The following NR1I2 variants were observed in gnomAD, a reference collection of about 807,000 sequenced individuals.
The protein encoded by NR1I2 is orphan nuclear receptor PAR1.
A neutral mutation model predicts 43.3 loss-of-function variants in NR1I2; 42 were observed. That is an observed-to-expected ratio of 0.97 (90% confidence interval 0.76 to 1.26). The LOEUF (loss-of-function observed/expected upper bound fraction) is 1.26, where lower values mean the gene tolerates loss of function less well. NR1I2 is among the 50% of genes most tolerant of loss of function. The pLI is 0.00. For synonymous variants in NR1I2, 229 were observed against 215.0 expected, an observed-to-expected ratio of 1.06 and a Z score of -0.57; for missense variants, 559 against 566.7, an observed-to-expected ratio of 0.99 and a Z score of 0.14.
chr3:119,795,746 G>A (rs1485950165), intron 1 of NR1I2, among the ~76,000 whole-genome samples: 2 of 152,126 alleles, frequency 1.3e-5, no homozygotes, highest in African/African-American at 2.4e-5. Context: ...ATCCCACCAC[G>A]CCCTGACAAG....
intron 1 of NR1I2, among the ~76,000 whole-genome samples, chr3:119,800,421 AGT>A (rs1423527866): frequency 1.3e-5 from 2 of 152,230 alleles, no homozygotes; most frequent in Non-Finnish European, 2.9e-5. Context: ...GAAATCAAAA[AGT>A]GTAAGTCCTC....
intron 2 of NR1I2, among the ~76,000 whole-genome samples, chr3:119,808,059 CGTGTTGCATGAGTTATAACAGGG>C (rs1398695285): frequency 1.3e-5 from 2 of 152,164 alleles, no homozygotes; most frequent in Non-Finnish European, 2.9e-5. Flanking sequence ...AATGAACATT[CGTGTTGCATGAGTTATAACAGGG>C]GTGAGACACA....
At position 119,789,388 on chromosome 3, in the gene NR1I2, A is replaced by G. The variant is rs1038748089; in HGVS notation, c.-23+7088A>G. On this transcript the variant is annotated intron_variant, in intron 1 of 8. Transcript: ENST00000393716. ...ATGTGGCTGGGGAGGCCTCACAAAC[A>G]TGGTGGAAGGCAAACGGCATGTCTT... Among the ~76,000 whole-genome samples, 5 of 152,314 alleles carry G rather than the reference A, an allele frequency of 3.3e-5. No individual in the cohort carries two copies. In the South Asian group the frequency reaches 1.0e-3, roughly 32 times the overall value.
At position 119,815,836 on chromosome 3, in the gene NR1I2, G is replaced by A; in HGVS notation, c.1160+5G>A. The A allele has an allele frequency of 6.2e-7, 1 of 1,600,526 alleles. No homozygotes were observed. The highest frequency in any genetic ancestry group is 1.3e-5 in the African/African-American group (1 of 74,844). ...TCGGCCCCAGCCTGCTCATAGGTGA[G>A]CACAGCAGGGGGTGAGGACCCGTGA... On this transcript the variant is annotated splice_donor_5th_base_variant and intron_variant, in intron 8 of 8. Transcript: ENST00000393716.
chr3:119,817,024 C>T, intron 8 of NR1I2, 44 bp from the exon 9 acceptor site: 1 of 1,613,270 alleles, frequency 6.2e-7, no homozygotes, highest in Non-Finnish European at 8.5e-7. Context: ...GCTTGTGGGT[C>T]AGGGCGGGCT....
At chr3:119,810,601 T>G in intron 3 of NR1I2, 2 of 217,764 alleles carry the variant, frequency 9.2e-6, no homozygotes, top group East Asian at 1.2e-4. Flanking sequence ...TTCTAGGTGC[T>G]AGCCCCATCA....
chr3:119,803,761 C>T (rs74470176), intron 1 of NR1I2, among the ~76,000 whole-genome samples: 45 of 145,570 alleles, frequency 3.1e-4, no homozygotes, highest in Admixed American at 8.9e-4. Context: ...TCTCAGTGTA[C>T]TTTTTTTTTT....
At chr3:119,786,573 A>G (rs148696127) in intron 1 of NR1I2, among the ~76,000 whole-genome samples, 43 of 152,372 alleles carry the variant, frequency 2.8e-4, no homozygotes, top group South Asian at 6.2e-4. Context: ...TTGATAAGAC[A>G]TAGGCAGTTA....
intron 1 of NR1I2, among the ~76,000 whole-genome samples, chr3:119,796,336 C>A (rs949935907): frequency 3.3e-5 from 5 of 152,234 alleles, no homozygotes; most frequent in Admixed American, 6.5e-5. Flanking sequence ...CCTTTCCCAG[C>A]CCCAAGACAG....
rs1278921705 is a variant in NR1I2, at chr3:119,807,310, A to G, written c.60A>G (p.Thr20=). Residue 20 remains threonine (T), a synonymous_variant, in exon 2 of 9, where the codon ACA becomes ACG. Coordinates refer to ENST00000393716, the MANE Select transcript of NR1I2 (RefSeq NM_003889.4). Reference sequence around the variant, plus strand: ...CTGACTTTGTACACTGTGAGGACACAGAGTCTGTTCCTGGAAAGCCCAGTG... The same window carrying G: ...CTGACTTTGTACACTGTGAGGACACGGAGTCTGTTCCTGGAAAGCCCAGTG... 4.3e-6 allele frequency: 7 copies of G among 1,614,262 alleles called. No homozygotes were observed. The highest frequency in any genetic ancestry group is 5.9e-6 in the Non-Finnish European group (7 of 1,180,032).
chr3:119,801,050 C>T (rs1268229526), intron 1 of NR1I2, among the ~76,000 whole-genome samples: 1 of 152,204 alleles, frequency 6.6e-6, no homozygotes, highest in East Asian at 1.9e-4. Context: ...ATGAATCACT[C>T]ACCTGAAGAG....
intron 1 of NR1I2, among the ~76,000 whole-genome samples, chr3:119,784,706 A>G (rs1402544367): frequency 6.6e-6 from 1 of 152,210 alleles, no homozygotes; most frequent in Non-Finnish European, 1.5e-5. Context: ...ACTTATTGCA[A>G]TACATTATTT....
At chr3:119,792,271 G>A in intron 1 of NR1I2, 1 of 1,539,802 alleles carries the variant, frequency 6.5e-7, no homozygotes. Context: ...AGGCAGGTGA[G>A]CGACGACCTT....
At chr3:119,802,616 G>C (rs1312870426) in intron 1 of NR1I2, among the ~76,000 whole-genome samples, 1 of 152,194 alleles carries the variant, frequency 6.6e-6, no homozygotes, top group Non-Finnish European at 1.5e-5. Context: ...TGCTGAAAAT[G>C]TAAGGGAGGT....
chr3:119,788,337 G>A (rs1049125216), intron 1 of NR1I2, among the ~76,000 whole-genome samples: 1 of 151,902 alleles, frequency 6.6e-6, no homozygotes, highest in African/African-American at 2.4e-5. Context: ...AGGTTCATCT[G>A]AAATTCCTGG....
intron 1 of NR1I2, among the ~76,000 whole-genome samples, chr3:119,783,346 A>T (rs1316949914): frequency 6.6e-6 from 1 of 151,888 alleles, no homozygotes; most frequent in African/African-American, 2.4e-5. Flanking sequence ...TGTATTGTAT[A>T]TGGCTGTTTT....
Position 119,815,448 on chromosome 3 carries a change from CT to C in NR1I2, c.1054+10del, listed in dbSNP as rs1412876308. ...CTCCCTCTTCTCCCCAGGTGAGGAT[CT>C]CCCCTAGGCTGCCTGACATCCCCCC... On this transcript the variant is annotated intron_variant, in intron 7 of 8. Coordinates refer to ENST00000393716, the MANE Select transcript of NR1I2 (RefSeq NM_003889.4). 2 of 1,599,724 alleles carry C rather than the reference CT, an allele frequency of 1.3e-6. No homozygotes were observed. The highest frequency in any genetic ancestry group is 1.7e-5 in the Admixed American group (1 of 59,994).
In NR1I2 at chr3:119,817,864, T is replaced by G. The variant is rs546024857; in HGVS notation, c.*652T>G. The G allele has an allele frequency of 1.0e-6, 1 of 990,834 alleles. No individual in the cohort carries two copies. Among genetic ancestry groups the G allele is most frequent in the African/African-American group, 1.7e-5 (1 of 57,382 alleles). The allele number at this position is 990,834 out of a possible 1,614,324, so 61.4% of individuals were successfully genotyped here. A position where few individuals can be genotyped will look rare whatever the true frequency, so the allele number is the denominator to read the frequency against. On this transcript the variant is annotated 3_prime_UTR_variant, in exon 9 of 9. Coordinates refer to ENST00000393716, the MANE Select transcript of NR1I2 (RefSeq NM_003889.4). ...CTCTGCATCCATTTGAACACATTAT[T>G]AAGCACCGATAATAGGTAGCCTGCT...
intron 1 of NR1I2, among the ~76,000 whole-genome samples, chr3:119,783,099 C>G (rs936720659): frequency 1.3e-5 from 2 of 151,892 alleles, no homozygotes; most frequent in Admixed American, 1.3e-4. Context: ...CCCACATGGC[C>G]TCTAATGATA....
Sources: gnomAD v4.1 joint callset for allele counts (sites outside exome capture counted in the v4.1 genomes callset) on GRCh38, gnomAD v4.1.1 for gene constraint, MANE v1.5 for transcripts, NCBI Gene and HGNC (gene_info 2026-07-23, HGNC 2026-07-21) for gene names.